NADK2: variants seen among roughly 807,000 people sequenced by gnomAD.
NADK2 encodes NAD kinase 2, mitochondrial.
In NADK2, 35 loss-of-function variants were observed where a neutral mutation model predicts 62.1. The observed-to-expected ratio is 0.56, with a 90% CI of 0.43 to 0.75. The LOEUF is 0.75. NADK2 is among the 30% of genes least tolerant of loss of function. The pLI is 0.00. For synonymous variants in NADK2, 205 were observed against 207.9 expected (o/e 0.99, Z 0.12); for missense variants, 439 against 561.3 (o/e 0.78, Z 2.20).
At chr5:36,202,034 A>C (rs1320343905) in intron 8 of NADK2, among the ~76,000 whole-genome samples, 1 of 152,104 alleles carries the variant, frequency 6.6e-6, no homozygotes, top group Admixed American at 6.6e-5. Flanking sequence ...AGGAACAGGA[A>C]TAACATATGA....
chr5:36,241,721 C>A lies in NADK2; in HGVS notation c.78G>T (p.Pro26=). The change falls in exon 1 of 12, where the codon CCG becomes CCT. Residue 26 remains proline (P), a synonymous_variant. Transcript: ENST00000381937. The surrounding 1 kb of genome is among the most constrained non-coding windows in gnomAD (Gnocchi z 4.9). The part of the protein sequence containing the change: ...AGGRAAALRG[P]GAGGPAARPR... ...GCCGCGCGGCGGGGCCTCCCGCACC[C>A]GGTCCCCGCAGCGCCGCCGCCCGGC... The A allele has an allele frequency of 8.5e-7, 1 of 1,181,744 alleles. No homozygotes were observed. The highest frequency in any genetic ancestry group is 1.0e-6 in the Non-Finnish European group (1 of 957,406). The allele number at this position is 1,181,744 out of a possible 1,614,324, so 73.2% of individuals were successfully genotyped here. A position where few individuals can be genotyped will look rare whatever the true frequency, so the allele number is the denominator to read the frequency against.
At chr5:36,220,885 G>A (rs779914528) in intron 4 of NADK2, among the ~76,000 whole-genome samples, 5 of 152,162 alleles carry the variant, frequency 3.3e-5, no homozygotes, top group Admixed American at 1.3e-4. Context: ...CACCCTCTAC[G>A]TGAGCCTCTC....
In NADK2 at chr5:36,241,365, G is replaced by C. The variant is rs949589626; in HGVS notation, c.300+134C>G. ...CAGGGAGAAGCCAGAGGACCTGGGGGCCGCGAGAGAGGCAGGACCGGCATC... is the reference window on the plus strand; with the variant it reads ...CAGGGAGAAGCCAGAGGACCTGGGGCCCGCGAGAGAGGCAGGACCGGCATC... On this transcript the variant is annotated intron_variant, in intron 1 of 11. Transcript: ENST00000381937. This position sits in a 1 kb window ranked among gnomAD's most constrained non-coding sequence, Gnocchi z 4.9. The C allele has an allele frequency of 3.0e-6, 4 of 1,337,648 alleles. No individual in the cohort carries two copies. The African/African-American group carries it at 4.7e-5, about 16-fold the overall frequency. The allele number at this position is 1,337,648 out of a possible 1,614,324, so 82.9% of individuals were successfully genotyped here. A position where few individuals can be genotyped will look rare whatever the true frequency, so the allele number is the denominator to read the frequency against.
At chr5:36,206,297 A>ATT (rs11440963) in intron 8 of NADK2, among the ~76,000 whole-genome samples, 7 of 148,576 alleles carry the variant, frequency 4.7e-5, no homozygotes, top group African/African-American at 1.7e-4. Flanking sequence ...TATAATAATA[A>ATT]TTTTTTTTAA....
chr5:36,201,140 A>T lies in NADK2; in HGVS notation c.978T>A (p.Val326=), dbSNP rs1475317701. The change falls in exon 9 of 12, where the codon GTT becomes GTA. Residue 326 remains valine (V), a synonymous_variant. Coordinates refer to ENST00000381937, the MANE Select transcript of NADK2 (RefSeq NM_001085411.3). ...AAACATCTTCTACAGCCTGAGTTGC[A>T]ACCCTGTTAATATTGAATGACCTAG... ...SKAWSFNINR[V]ATQAVEDVLN... The T allele has an allele frequency of 6.2e-7, 1 of 1,612,436 alleles. No individual in the cohort carries two copies. The highest frequency in any genetic ancestry group is 8.5e-7 in the Non-Finnish European group (1 of 1,178,910).
At chr5:36,214,931 C>T (rs985401940) in intron 6 of NADK2, among the ~76,000 whole-genome samples, 4 of 152,132 alleles carry the variant, frequency 2.6e-5, no homozygotes, top group African/African-American at 9.7e-5. Flanking sequence ...ATTAATAAAA[C>T]CAGTCTTTAT....
Position 36,241,800 on chromosome 5 carries a change from GTGGGCCGGGCCGCGGCCGCGGGCT to G in NADK2, c.-26_-3del, listed in dbSNP as rs1212995586. 2 of 1,321,786 alleles carry G rather than the reference GTGGGCCGGGCCGCGGCCGCGGGCT, an allele frequency of 1.5e-6. No individual in the cohort carries two copies. The highest frequency in any genetic ancestry group is 1.9e-6 in the Non-Finnish European group (2 of 1,034,714). 81.9% of individuals were successfully genotyped at this position (1,321,786 alleles called of 1,614,324 possible). A position where few individuals can be genotyped will look rare whatever the true frequency, so the allele number is the denominator to read the frequency against. Reference sequence around the variant, plus strand: ...CAAGAAGCCTCGGTAGCAAGTCATCGTGGGCCGGGCCGCGGCCGCGGGCTTGGGCTCGGGCCCCTTGCCTCAGCT... The same window carrying G: ...CAAGAAGCCTCGGTAGCAAGTCATCGTGGGCTCGGGCCCCTTGCCTCAGCT... On this transcript the variant is annotated 5_prime_UTR_variant, in exon 1 of 12. Transcript: ENST00000381937. This position sits in a 1 kb window ranked among gnomAD's most constrained non-coding sequence, Gnocchi z 4.9.
chr5:36,203,768 T>C (rs542156023), intron 8 of NADK2, among the ~76,000 whole-genome samples: 6 of 152,140 alleles, frequency 3.9e-5, no homozygotes, highest in East Asian at 1.9e-4. Context: ...TCTATCAAAA[T>C]TACACCCCTC....
intron 1 of NADK2, among the ~76,000 whole-genome samples, chr5:36,231,243 G>A (rs939117739): frequency 3.9e-5 from 6 of 152,154 alleles, no homozygotes; most frequent in Non-Finnish European, 8.8e-5. Flanking sequence ...GAATTTGTGG[G>A]AGAAAAAGTT....
chr5:36,219,611 T>A lies in NADK2; in HGVS notation c.629A>T (p.Tyr210Phe), dbSNP rs376035643. 1.9e-6 allele frequency: 3 copies of A among 1,613,962 alleles called. No individual in the cohort carries two copies. Among genetic ancestry groups the A allele is most frequent in the Non-Finnish European group, 1.7e-6 (2 of 1,179,860 alleles). Reference protein sequence around the residue: ...HSFPEALQKFYRGEFRWLWRQ... With the variant: ...HSFPEALQKFFRGEFRWLWRQ... ...AAATTCCTACCTGAACTCACCACGA[T>A]AGAACTTCTGTAAGGCTTCTGGAAA... is the stretch of plus-strand genomic sequence containing the variant. Residue 210 changes from tyrosine (Y) to phenylalanine (F), a missense_variant, in exon 5 of 12, where the codon TAT becomes TTT. Transcript: ENST00000381937.
At chr5:36,198,654 A>T (rs992938006) in intron 10 of NADK2, among the ~76,000 whole-genome samples, 1 of 148,472 alleles carries the variant, frequency 6.7e-6, no homozygotes, top group African/African-American at 2.4e-5. Flanking sequence ...ACCTGATATA[A>T]ATTTCAGTTA....
chr5:36,223,006 G>T (rs1025322901), intron 4 of NADK2, among the ~76,000 whole-genome samples: 5 of 152,132 alleles, frequency 3.3e-5, no homozygotes, highest in Non-Finnish European at 7.3e-5. Context: ...AAAATAATAG[G>T]CAATAAGGAC....
rs1336533361 is a variant in NADK2 at position 36,241,616 on chromosome 5, G to C, written c.183C>G (p.Arg61=). The change falls in exon 1 of 12, where the codon CGC becomes CGG. Residue 61 remains arginine, a synonymous_variant. Transcript: ENST00000381937. The surrounding 1 kb of genome is among the most constrained non-coding windows in gnomAD (Gnocchi z 4.9). ...QPRELAGCGS[R]ADGGFRPSRV... ...GGGAGGGGCGGAAGCCGCCGTCCGC[G>C]CGGCTGCCACAGCCCGCCAGCTCGC... 5 of 1,488,502 alleles carry C rather than the reference G, an allele frequency of 3.4e-6. No individual in the cohort carries two copies. The highest frequency in any genetic ancestry group is 4.4e-6 in the Non-Finnish European group (5 of 1,126,770). The allele number at this position is 1,488,502 out of a possible 1,614,324, so 92.2% of individuals were successfully genotyped here. A position where few individuals can be genotyped will look rare whatever the true frequency, so the allele number is the denominator to read the frequency against.
chr5:36,219,870 T>C (rs937359951), intron 4 of NADK2, among the ~76,000 whole-genome samples, 191 bp from the exon 5 acceptor site: 4 of 152,212 alleles, frequency 2.6e-5, no homozygotes, highest in African/African-American at 9.6e-5. Context: ...CAGATAGAAT[T>C]AGTAGTCTAC....
rs1748115372 is a variant in NADK2, at chr5:36,241,419, G to A, written c.300+80C>T. 1.4e-6 allele frequency: 2 copies of A among 1,432,818 alleles called. No individual in the cohort carries two copies. The highest frequency in any genetic ancestry group is 1.8e-6 in the Non-Finnish European group (2 of 1,096,410). 88.8% of individuals were successfully genotyped at this position (1,432,818 alleles called of 1,614,324 possible). A position where few individuals can be genotyped will look rare whatever the true frequency, so the allele number is the denominator to read the frequency against. On this transcript the variant is annotated intron_variant, in intron 1 of 11. Transcript: ENST00000381937. This position sits in a 1 kb window ranked among gnomAD's most constrained non-coding sequence, Gnocchi z 4.9. ...GGTGCCCTGGGAAGAGTCGTCCCGA[G>A]AGGTCCCCCCGAGGGGGCGCAGCCG...
rs1042936813 is a variant in NADK2 at position 36,206,592 on chromosome 5, CAAAA to C, written c.956+574_956+577del. On this transcript the variant is annotated intron_variant, in intron 8 of 11. Coordinates refer to ENST00000381937, the MANE Select transcript of NADK2 (RefSeq NM_001085411.3). ...ATGGTATTCATCAATATAAAGAACA[CAAAA>C]AGAAAAACTGAAGACAATAAATTCA... Among the ~76,000 whole-genome samples, 9 of 151,854 alleles carry C rather than the reference CAAAA, an allele frequency of 5.9e-5. 1 individual carries two copies. The highest frequency in any genetic ancestry group is 2.0e-4 in the Admixed American group (3 of 15,240).
intron 1 of NADK2, among the ~76,000 whole-genome samples, chr5:36,236,023 C>G (rs934601456): frequency 6.6e-6 from 1 of 151,944 alleles, no homozygotes; most frequent in African/African-American, 2.4e-5. Flanking sequence ...AGTCAATTTA[C>G]ACTTTACTAG....
intron 7 of NADK2, among the ~76,000 whole-genome samples, chr5:36,211,554 C>A (rs1405525479): frequency 3.8e-4 from 56 of 146,666 alleles, no homozygotes; most frequent in Non-Finnish European, 2.9e-4. Flanking sequence ...GACTCAGTCT[C>A]AAAAAAAAAA....
chr5:36,213,402 T>C (rs1481121256), intron 6 of NADK2, among the ~76,000 whole-genome samples: 1 of 152,044 alleles, frequency 6.6e-6, no homozygotes, highest in Non-Finnish European at 1.5e-5. Flanking sequence ...CTAATTATTA[T>C]ATTCTTCTGT....
Sources: gnomAD v4.1 joint callset for allele counts (sites outside exome capture counted in the v4.1 genomes callset) on GRCh38, gnomAD v4.1.1 for gene constraint, Gnocchi (gnomAD v3.1) non-coding constraint, MANE v1.5 for transcripts, NCBI Gene and HGNC (gene_info 2026-07-23, HGNC 2026-07-21) for gene names.